The following STPG2 variants were observed in gnomAD, a reference collection of about 807,000 sequenced individuals.
STPG2 encodes the protein sperm-tail PG-rich repeat-containing protein 2.
In STPG2, 56 loss-of-function variants were observed where a neutral mutation model predicts 54.2. The ratio of observed to expected loss-of-function variants is 1.03; its 90% CI spans 0.83 to 1.29. The LOEUF (loss-of-function observed/expected upper bound fraction) is 1.29. Ranked by LOEUF, STPG2 falls within the 50% of genes most tolerant of loss-of-function variation. The probability of loss-of-function intolerance (pLI) is 0.00; values close to 1 mark genes in which losing one functional copy is unlikely to be tolerated. For missense variants in STPG2, 596 were observed against 544.9 expected, an observed-to-expected ratio of 1.09 and a Z score of -0.93; for synonymous variants, 200 against 181.8, an observed-to-expected ratio of 1.10 and a Z score of -0.81.
chr4:97,779,781 G>A (rs1460597780), intron 9 of STPG2, among the ~76,000 whole-genome samples: 15 of 152,040 alleles, frequency 9.9e-5, no homozygotes, highest in East Asian at 1.9e-4. Context: ...AATATACAAC[G>A]TTCTTAAAGA....
At chr4:97,971,657 G>A (rs1037165382) in intron 7 of STPG2, among the ~76,000 whole-genome samples, 16 of 152,164 alleles carry the variant, frequency 1.1e-4, no homozygotes, top group Admixed American at 3.9e-4. Flanking sequence ...GTGGGGTGGC[G>A]GGCTGGGGGA....
intron 5 of STPG2, among the ~76,000 whole-genome samples, chr4:98,023,499 C>T (rs946938247): frequency 1.4e-4 from 21 of 152,332 alleles, no homozygotes; most frequent in African/African-American, 5.1e-4. Flanking sequence ...CTTGAGGAGA[C>T]AGTCTGCCCG....
chr4:97,908,570 G>A (rs995931860), intron 8 of STPG2, among the ~76,000 whole-genome samples: 6 of 152,128 alleles, frequency 3.9e-5, no homozygotes, highest in East Asian at 1.9e-4. Flanking sequence ...GCACACATAT[G>A]TTTATTGCAG....
intron 4 of STPG2, among the ~76,000 whole-genome samples, chr4:97,520,984 G>A (rs1200286739): frequency 1.3e-5 from 2 of 151,826 alleles, no homozygotes; most frequent in African/African-American, 4.8e-5. Context: ...TTAAAACAAA[G>A]GAGTCTGAAA....
chr4:97,828,517 T>C (rs899820184), intron 9 of STPG2, among the ~76,000 whole-genome samples: 1 of 151,592 alleles, frequency 6.6e-6, no homozygotes, highest in Admixed American at 6.6e-5. Flanking sequence ...CATATCCCAA[T>C]GGCAACTGGA....
At chr4:97,925,516 G>A (rs1467121064) in intron 8 of STPG2, among the ~76,000 whole-genome samples, 2 of 152,202 alleles carry the variant, frequency 1.3e-5, no homozygotes, top group African/African-American at 2.4e-5. Flanking sequence ...TGGCCCTGCA[G>A]TAAGAAAATT....
chr4:97,943,660 G>A (rs916676428), intron 8 of STPG2, among the ~76,000 whole-genome samples: 2 of 152,138 alleles, frequency 1.3e-5, no homozygotes, highest in Admixed American at 1.3e-4. Context: ...AAGAATGAAT[G>A]TTCTCTGACC....
chr4:97,677,349 T>C (rs1365083369), intron 10 of STPG2, among the ~76,000 whole-genome samples: 1 of 152,176 alleles, frequency 6.6e-6, no homozygotes, highest in Admixed American at 6.6e-5. Context: ...ATAGCTATTA[T>C]AACAATTTAA....
chr4:98,134,270 T>C lies in STPG2; in HGVS notation c.222+77A>G, dbSNP rs1185298811. ...AAGACAATATAAGCAGAAAATAAAA[T>C]ACAACAAATGACATTTGGTCTATTC... On this transcript the variant is annotated intron_variant, in intron 2 of 10. Transcript: ENST00000295268. 6 of 690,734 alleles carry C rather than the reference T, an allele frequency of 8.7e-6. No individual in the cohort carries two copies. The Admixed American group carries it at 9.3e-5, about 11-fold the overall frequency. 42.8% of individuals were successfully genotyped at this position (690,734 alleles called of 1,614,324 possible). A position where few individuals can be genotyped will look rare whatever the true frequency, so the allele number is the denominator to read the frequency against.
intron 9 of STPG2, among the ~76,000 whole-genome samples, chr4:97,755,183 A>C (rs1315009361): frequency 1.3e-5 from 2 of 152,188 alleles, no homozygotes; most frequent in Non-Finnish European, 2.9e-5. Flanking sequence ...AGGCATCTTT[A>C]ATTATATTTT....
At chr4:98,002,419 C>T (rs1232051905) in intron 5 of STPG2, among the ~76,000 whole-genome samples, 1 of 151,760 alleles carries the variant, frequency 6.6e-6, no homozygotes, top group African/African-American at 2.4e-5. Context: ...TTAGAATTTC[C>T]CATATCTTCT....
intron 9 of STPG2, among the ~76,000 whole-genome samples, chr4:97,769,678 T>A (rs976263945): frequency 1.3e-5 from 2 of 151,564 alleles, no homozygotes; most frequent in Non-Finnish European, 1.5e-5. Context: ...AACACAAGAG[T>A]TTCTCATGCA....
At chr4:97,451,772 C>G (rs1729371818) in intron 4 of STPG2, among the ~76,000 whole-genome samples, 1 of 152,108 alleles carries the variant, frequency 6.6e-6, no homozygotes, top group African/African-American at 2.4e-5. Context: ...CATCTGATAT[C>G]TTATTGTTTT....
intron 7 of STPG2, among the ~76,000 whole-genome samples, chr4:97,969,803 T>G (rs1381287847): frequency 1.3e-5 from 2 of 152,204 alleles, no homozygotes; most frequent in African/African-American, 4.8e-5. Context: ...TGTTGGAAGT[T>G]CTGGCCAGGG....
chr4:97,854,729 T>C (rs139712767), intron 8 of STPG2, among the ~76,000 whole-genome samples: 3 of 152,226 alleles, frequency 2.0e-5, no homozygotes, highest in South Asian at 2.1e-4. Flanking sequence ...ACCAATTTTA[T>C]TAGATTTTTT....
At chr4:97,638,203 A>C (rs1721628075) in intron 10 of STPG2, among the ~76,000 whole-genome samples, 1 of 152,178 alleles carries the variant, frequency 6.6e-6, no homozygotes, top group Admixed American at 6.5e-5. Context: ...ATCTACAACT[A>C]TCTGATCTTT....
intron 9 of STPG2, among the ~76,000 whole-genome samples, chr4:97,739,196 T>A (rs1277239640): frequency 1.3e-5 from 2 of 151,994 alleles, no homozygotes; most frequent in African/African-American, 2.4e-5. Flanking sequence ...CCAGAATCTC[T>A]GGGACACATT....
At chr4:97,965,774 C>T (rs934253602) in intron 7 of STPG2, among the ~76,000 whole-genome samples, 1 of 152,150 alleles carries the variant, frequency 6.6e-6, no homozygotes, top group African/African-American at 2.4e-5. Flanking sequence ...AGCTGAGGGA[C>T]CTGATTGTTA....
At chr4:98,111,341 C>T (rs1481561280) in intron 3 of STPG2, among the ~76,000 whole-genome samples, 1 of 152,112 alleles carries the variant, frequency 6.6e-6, no homozygotes, top group African/African-American at 2.4e-5. Flanking sequence ...GAGATGTGCA[C>T]CAGTGCCATT....
Sources: gnomAD v4.1 joint callset for allele counts (sites outside exome capture counted in the v4.1 genomes callset) on GRCh38, gnomAD v4.1.1 for gene constraint, MANE v1.5 for transcripts, NCBI Gene and HGNC (gene_info 2026-07-23, HGNC 2026-07-21) for gene names.